Variants in LRRC7 observed in about 807,000 individuals in gnomAD.
LRRC7 encodes leucine-rich repeat-containing protein 7.
LRRC7 carries 23 observed loss-of-function variants against 175.7 expected under a neutral mutation model. The observed-to-expected ratio is 0.13, with a 90% CI of 0.09 to 0.19. The LOEUF is 0.19. Ranked by LOEUF, LRRC7 falls within the 10% of genes least tolerant of loss-of-function variation. LRRC7 has a pLI of 1.00. For synonymous variants in LRRC7, 685 were observed against 680.9 expected (o/e 1.01, Z -0.09); for missense variants, 1,354 against 1,904.7 (o/e 0.71, Z 5.38).
rs1667153984 is a variant in LRRC7 at position 70,143,287 on chromosome 1, T to G, written c.*21400T>G. ...TTAAGGCCAAGTAACCAGAGCTCCT[T>G]TAGCCAGAGAAAGAACTTGAATTGG... On this transcript the variant is annotated 3_prime_UTR_variant, in exon 27 of 27. Transcript: ENST00000651989. 1 of 152,012 alleles carries G rather than the reference T, an allele frequency of 6.6e-6. No individual in the cohort carries two copies. The highest frequency in any genetic ancestry group is 2.1e-4 in the South Asian group (1 of 4,812). The allele number at this position is 152,012 out of a possible 1,614,324, so 9.4% of individuals were successfully genotyped here.
intron 7 of LRRC7, among the ~76,000 whole-genome samples, chr1:69,850,679 A>G (rs1239032550): frequency 6.6e-6 from 1 of 152,120 alleles, no homozygotes; most frequent in Non-Finnish European, 1.5e-5. Context: ...ACCAAGGCAC[A>G]TTTCCAAATT....
intron 1 of LRRC7, among the ~76,000 whole-genome samples, chr1:69,597,427 CAAAAT>C (rs1646887274): frequency 6.6e-6 from 1 of 151,998 alleles, no homozygotes; most frequent in Non-Finnish European, 1.5e-5. Context: ...TTGCCTAAAA[CAAAAT>C]AAAAAACCAA....
At chr1:69,673,925 A>G (rs962380747) in intron 1 of LRRC7, among the ~76,000 whole-genome samples, 2 of 152,256 alleles carry the variant, frequency 1.3e-5, no homozygotes, top group African/African-American at 4.8e-5. Flanking sequence ...TAGCAAAATG[A>G]TAAGAAATCA....
chr1:70,052,186 A>G lies in LRRC7; in HGVS notation c.4111-840A>G, dbSNP rs1020546224. Among the ~76,000 whole-genome samples, 9 of 152,128 alleles carry G rather than the reference A, an allele frequency of 5.9e-5. 1 individual carries two copies. Among genetic ancestry groups the G allele is most frequent in the African/African-American group, 2.2e-4 (9 of 41,514 alleles). On this transcript the variant is annotated intron_variant, in intron 22 of 26. Coordinates refer to ENST00000651989, the MANE Select transcript of LRRC7 (RefSeq NM_001370785.2). Reference sequence around the variant, plus strand: ...AAGAAAGGAGCCTTTGTGAAAATATATGTAAATATACCATTGTACATCCCT... The same window carrying G: ...AAGAAAGGAGCCTTTGTGAAAATATGTGTAAATATACCATTGTACATCCCT...
chr1:69,917,842 T>C (rs1483512301), intron 7 of LRRC7, among the ~76,000 whole-genome samples: 1 of 152,194 alleles, frequency 6.6e-6, no homozygotes, highest in African/African-American at 2.4e-5. Context: ...GTATTGCATA[T>C]ATAAGATTAT....
intron 23 of LRRC7, among the ~76,000 whole-genome samples, chr1:70,060,745 C>T (rs1661518042): frequency 6.6e-6 from 1 of 152,140 alleles, no homozygotes; most frequent in African/African-American, 2.4e-5. Flanking sequence ...TTTCCGTTAA[C>T]CTCAAAGTCA....
intron 1 of LRRC7, chr1:69,607,888 T>C (rs912999342): frequency 6.6e-6 from 1 of 152,218 alleles, no homozygotes. Flanking sequence ...AAGGTCAGTT[T>C]CCTGAAGAGG....
chr1:69,792,004 C>A (rs1216366972), intron 3 of LRRC7, 39 bp from the exon 4 acceptor site: 2 of 1,304,760 alleles, frequency 1.5e-6, no homozygotes, highest in East Asian at 2.3e-5. Flanking sequence ...ATGAATTTAA[C>A]CAAATTGAGA....
chr1:70,089,624 A>G, intron 24 of LRRC7, 103 bp from the exon 25 acceptor site: 1 of 780,144 alleles, frequency 1.3e-6, no homozygotes, highest in Non-Finnish European at 2.0e-6. Flanking sequence ...GCTAACCCTA[A>G]GAAACCAAGT....
chr1:70,111,034 C>A (rs375007314), intron 26 of LRRC7, among the ~76,000 whole-genome samples: 17 of 152,046 alleles, frequency 1.1e-4, no homozygotes, highest in African/African-American at 3.9e-4. Context: ...CAATGTTCAA[C>A]CTGGAGAATT....
chr1:70,027,844 A>G (rs61243666), intron 17 of LRRC7, among the ~76,000 whole-genome samples: 37,487 of 152,112 alleles, frequency 0.25, 4,784 homozygotes, highest in African/African-American at 0.32. Context: ...AAGTAAGAAA[A>G]CAGCTGCTAT....
chr1:69,834,950 A>G, intron 6 of LRRC7, 81 bp downstream of exon 6: 1 of 1,043,544 alleles, frequency 9.6e-7, no homozygotes, highest in Non-Finnish European at 1.5e-6. Flanking sequence ...TGAGACTTCA[A>G]AAGTGTCAGT....
chr1:69,732,466 G>A (rs999459944), intron 2 of LRRC7, among the ~76,000 whole-genome samples: 3 of 151,894 alleles, frequency 2.0e-5, no homozygotes, highest in Non-Finnish European at 2.9e-5. Context: ...AGAAATAAAG[G>A]ATCCAATAGT....
chr1:69,679,702 G>A (rs1660234338), intron 2 of LRRC7, among the ~76,000 whole-genome samples: 1 of 152,040 alleles, frequency 6.6e-6, no homozygotes, highest in African/African-American at 2.4e-5. Context: ...TATGCTTCAA[G>A]GAGACCATCA....
chr1:69,961,506 A>G (rs1306240473), intron 8 of LRRC7, among the ~76,000 whole-genome samples: 2 of 152,212 alleles, frequency 1.3e-5, no homozygotes, highest in Non-Finnish European at 2.9e-5. Flanking sequence ...GGAACAAAAA[A>G]AGAGCCCAAA....
intron 1 of LRRC7, among the ~76,000 whole-genome samples, chr1:69,590,271 T>A (rs1569755361): frequency 1.3e-5 from 2 of 152,276 alleles, no homozygotes; most frequent in African/African-American, 4.8e-5. Context: ...TCAGGAGGCA[T>A]GGTTAAGTTT....
chr1:69,755,878 C>T (rs1239849155), intron 2 of LRRC7, among the ~76,000 whole-genome samples: 4 of 151,902 alleles, frequency 2.6e-5, no homozygotes, highest in East Asian at 1.9e-4. Flanking sequence ...GCAAAACTTC[C>T]GATTAGCTTT....
intron 3 of LRRC7, among the ~76,000 whole-genome samples, chr1:69,763,936 A>G (rs1313632707): frequency 2.0e-5 from 3 of 152,050 alleles, no homozygotes; most frequent in African/African-American, 2.4e-5. Flanking sequence ...GATATTGTAC[A>G]CAGAGAATAT....
At chr1:69,766,686 A>G (rs1290178215) in intron 3 of LRRC7, among the ~76,000 whole-genome samples, 1 of 152,158 alleles carries the variant, frequency 6.6e-6, no homozygotes, top group Non-Finnish European at 1.5e-5. Flanking sequence ...TCTGGATTGA[A>G]AAATCCAGCA....
Sources: allele counts gnomAD v4.1 joint callset (sites outside exome capture counted in the v4.1 genomes callset), GRCh38; gene constraint gnomAD v4.1.1; transcripts MANE v1.5; gene names NCBI Gene and HGNC (gene_info 2026-07-23, HGNC 2026-07-21).